Variants in HOTAIR observed in about 807,000 individuals in gnomAD.
HOTAIR encodes HOX transcript antisense RNA, also known as HOX transcript antisense RNA (non-protein coding).
intron 1 of HOTAIR, chr12:53,974,062 C>A (rs1939202786): frequency 3.9e-6 from 2 of 519,318 alleles, no homozygotes; most frequent in East Asian, 4.5e-5. Context: ...GTTTTATAAG[C>A]ATTCAAAGGA....
rs369638511 is a variant in HOTAIR at position 53,973,600 on chromosome 12, C to T, written n.59+1298G>A. 38 of 1,613,544 alleles carry T rather than the reference C, an allele frequency of 2.4e-5. No homozygotes were observed. Among genetic ancestry groups the T allele is most frequent in the African/African-American group, 4.0e-5 (3 of 74,902 alleles). ...GAGATCCTCATGAAAAACGAAGGCT[C>T]CTACGGCGGCCACCACCACCCCAGC... On this transcript the variant is annotated intron_variant and non_coding_transcript_variant, in intron 1 of 6. Coordinates refer to ENST00000424518, the Ensembl canonical transcript of HOTAIR. This position sits in a 1 kb window ranked among gnomAD's most constrained non-coding sequence, Gnocchi z 4.3.
chr12:53,964,450 G>A (rs1939013189), intron 5 of HOTAIR, among the ~76,000 whole-genome samples: 1 of 152,044 alleles, frequency 6.6e-6, no homozygotes, highest in Admixed American at 6.6e-5. Context: ...GACTGAAGGG[G>A]AACAAAGATC....
intron 1 of HOTAIR, among the ~76,000 whole-genome samples, chr12:53,969,595 C>G (rs1194633076): frequency 6.6e-6 from 1 of 152,196 alleles, no homozygotes; most frequent in East Asian, 1.9e-4. Context: ...AATCCCAAAG[C>G]ATACTAAAGG....
chr12:53,962,638 A>G (rs1367073806), exon 7 of HOTAIR: 3 of 151,160 alleles, frequency 2.0e-5, no homozygotes, highest in South Asian at 2.1e-4. Context: ...TTAAGACACA[A>G]TTCTCTAGCA....
intron 1 of HOTAIR, among the ~76,000 whole-genome samples, chr12:53,971,495 TTGGG>T (rs1264386861): frequency 2.0e-5 from 3 of 152,232 alleles, no homozygotes; most frequent in Non-Finnish European, 4.4e-5. Flanking sequence ...CTTATCTGGT[TTGGG>T]AGCCGCAGCA....
At chr12:53,969,028 G>A (rs1939107201) in intron 1 of HOTAIR, 1 of 152,212 alleles carries the variant, frequency 6.6e-6, no homozygotes, top group Non-Finnish European at 1.5e-5. Context: ...GACTAGGTCC[G>A]AGCCTTAATG....
intron 3 of HOTAIR, among the ~76,000 whole-genome samples, chr12:53,967,053 G>A (rs914093548): frequency 7.9e-5 from 12 of 152,330 alleles, no homozygotes; most frequent in Non-Finnish European, 1.5e-4. Flanking sequence ...CTCACAGCTC[G>A]TTTTCGCCTC....
At position 53,973,178 on chromosome 12, in the gene HOTAIR, A is replaced by G. The variant is rs537732736; in HGVS notation, n.59+1720T>C. The G allele has an allele frequency of 4.4e-6, 6 of 1,366,914 alleles. No individual in the cohort carries two copies. The African/African-American group carries it at 5.8e-5, about 13-fold the overall frequency. The allele number at this position is 1,366,914 out of a possible 1,614,324, so 84.7% of individuals were successfully genotyped here. A position where few individuals can be genotyped will look rare whatever the true frequency, so the allele number is the denominator to read the frequency against. On this transcript the variant is annotated intron_variant and non_coding_transcript_variant, in intron 1 of 6. Coordinates refer to ENST00000424518, the Ensembl canonical transcript of HOTAIR. The surrounding 1 kb of genome is among the most constrained non-coding windows in gnomAD (Gnocchi z 4.3). ...GATAACGCGTCATCTCGCCTTCCCA[A>G]ATTTTCCCCCCTCGCTAGACCGGGT...
At chr12:53,966,896 A>C (rs2136371751) in intron 3 of HOTAIR, among the ~76,000 whole-genome samples, 1 of 152,362 alleles carries the variant, frequency 6.6e-6, no homozygotes, top group Admixed American at 6.5e-5. Context: ...GGGCAGGCTC[A>C]GCTCGAAGGC....
chr12:53,972,083 C>T (rs920790708), intron 1 of HOTAIR, among the ~76,000 whole-genome samples: 6 of 152,188 alleles, frequency 3.9e-5, no homozygotes, highest in Admixed American at 3.9e-4. Context: ...GGCCCCACCA[C>T]CCACCTTACA....
exon 7 of HOTAIR, chr12:53,963,640 G>C (rs1471493830): frequency 6.6e-6 from 1 of 152,288 alleles, no homozygotes; most frequent in Non-Finnish European, 1.5e-5. Flanking sequence ...AGATAGAGGT[G>C]CTTGGCCAGC....
At chr12:53,970,603 A>G (rs2136373742) in intron 1 of HOTAIR, among the ~76,000 whole-genome samples, 1 of 152,318 alleles carries the variant, frequency 6.6e-6, no homozygotes, top group Non-Finnish European at 1.5e-5. Context: ...GGGGAGGAAT[A>G]TTACTTTCCA....
In HOTAIR at chr12:53,973,843, C is replaced by T; in HGVS notation, n.59+1055G>A. Reference sequence around the variant, plus strand: ...GCTGAGGCGGGTGCCGAGGCGGAGGCTGAGGAGGAGAACACAAATCCCAGC... The same window carrying T: ...GCTGAGGCGGGTGCCGAGGCGGAGGTTGAGGAGGAGAACACAAATCCCAGC... On this transcript the variant is annotated intron_variant and non_coding_transcript_variant, in intron 1 of 6. Transcript: ENST00000424518. This position sits in a 1 kb window ranked among gnomAD's most constrained non-coding sequence, Gnocchi z 4.3. 2 of 1,465,040 alleles carry T rather than the reference C, an allele frequency of 1.4e-6. No individual in the cohort carries two copies. The highest frequency in any genetic ancestry group is 1.8e-6 in the Non-Finnish European group (2 of 1,110,702). The allele number at this position is 1,465,040 out of a possible 1,614,324, so 90.8% of individuals were successfully genotyped here.
chr12:53,973,936 G>C lies in HOTAIR; in HGVS notation n.59+962C>G, dbSNP rs1442156378. 1.4e-6 allele frequency: 2 copies of C among 1,435,682 alleles called. No individual in the cohort carries two copies. The highest frequency in any genetic ancestry group is 5.2e-5 in the East Asian group (2 of 38,568). The allele number at this position is 1,435,682 out of a possible 1,614,324, so 88.9% of individuals were successfully genotyped here. A position where few individuals can be genotyped will look rare whatever the true frequency, so the allele number is the denominator to read the frequency against. ...GGAGCCGCCCCCAGTAGGTAGCAGC[G>C]GCCGGGGAACGGGCGGGCAGCGAGG... is the stretch of plus-strand genomic sequence containing the variant. On this transcript the variant is annotated intron_variant and non_coding_transcript_variant, in intron 1 of 6. Transcript: ENST00000424518. This position sits in a 1 kb window ranked among gnomAD's most constrained non-coding sequence, Gnocchi z 4.3.
rs376510237 is a variant in HOTAIR at position 53,970,055 on chromosome 12, C to A, written n.60-1299G>T. On this transcript the variant is annotated intron_variant and non_coding_transcript_variant, in intron 1 of 6. Coordinates refer to ENST00000424518, the Ensembl canonical transcript of HOTAIR. Reference sequence around the variant, plus strand: ...GGAAGGGTGCTGGAGTCTGCCTTAACTTTGGTCCAGCTACCTGGACAGCTG... The same window carrying A: ...GGAAGGGTGCTGGAGTCTGCCTTAAATTTGGTCCAGCTACCTGGACAGCTG... 2.0e-5 allele frequency among the ~76,000 whole-genome samples: 3 copies of A among 152,374 alleles called. No individual in the cohort carries two copies. The East Asian group carries it at 5.8e-4, about 29-fold the overall frequency.
Position 53,973,178 on chromosome 12 carries a change from A to C in HOTAIR, n.59+1720T>G. The C allele has an allele frequency of 1.5e-6, 2 of 1,367,032 alleles. No homozygotes were observed. Among genetic ancestry groups the C allele is most frequent in the South Asian group, 2.8e-5 (2 of 71,524 alleles). The allele number at this position is 1,367,032 out of a possible 1,614,324, so 84.7% of individuals were successfully genotyped here. Reference sequence around the variant, plus strand: ...GATAACGCGTCATCTCGCCTTCCCAAATTTTCCCCCCTCGCTAGACCGGGT... The same window carrying C: ...GATAACGCGTCATCTCGCCTTCCCACATTTTCCCCCCTCGCTAGACCGGGT... On this transcript the variant is annotated intron_variant and non_coding_transcript_variant, in intron 1 of 6. Coordinates refer to ENST00000424518, the Ensembl canonical transcript of HOTAIR. This position sits in a 1 kb window ranked among gnomAD's most constrained non-coding sequence, Gnocchi z 4.3.
chr12:53,972,315 A>G (rs1300503705), intron 1 of HOTAIR, among the ~76,000 whole-genome samples: 7 of 152,220 alleles, frequency 4.6e-5, no homozygotes, highest in Admixed American at 4.6e-4. Context: ...ACATTGATTG[A>G]CAATAAAGGC....
intron 5 of HOTAIR, among the ~76,000 whole-genome samples, chr12:53,965,633 G>A (rs1023709914): frequency 1.3e-5 from 2 of 152,172 alleles, no homozygotes; most frequent in Non-Finnish European, 2.9e-5. Flanking sequence ...GATCAAGGAA[G>A]TGCCTGAGAA....
At chr12:53,969,327 A>C (rs958979560) in intron 1 of HOTAIR, among the ~76,000 whole-genome samples, 1 of 152,180 alleles carries the variant, frequency 6.6e-6, no homozygotes, top group African/African-American at 2.4e-5. Flanking sequence ...TCCTGGGACA[A>C]TCTCTCCACA....
Sources: gnomAD v4.1 joint callset for allele counts (sites outside exome capture counted in the v4.1 genomes callset) on GRCh38, gnomAD v4.1.1 for gene constraint, Gnocchi (gnomAD v3.1) non-coding constraint, MANE v1.5 for transcripts, NCBI Gene and HGNC (gene_info 2026-07-23, HGNC 2026-07-21) for gene names.